Variants in GALNTL6 observed in about 807,000 individuals in gnomAD.
GALNTL6 encodes polypeptide N-acetylgalactosaminyltransferase like 6.
In GALNTL6, 46 loss-of-function variants were observed where a neutral mutation model predicts 73.7. That is an observed-to-expected ratio of 0.62 (90% CI 0.49 to 0.80). The LOEUF (loss-of-function observed/expected upper bound fraction) is 0.80, where lower values mean the gene tolerates loss of function less well. GALNTL6 is among the 30% of genes least tolerant of loss of function. The pLI is 0.00. For missense variants in GALNTL6, 604 were observed against 755.0 expected, an observed-to-expected ratio of 0.80 and a Z score of 2.34; for synonymous variants, 259 against 263.7, an observed-to-expected ratio of 0.98 and a Z score of 0.17.
chr4:172,309,415 A>G (rs1404404619), intron 3 of GALNTL6, among the ~76,000 whole-genome samples: 1 of 52,142 alleles, frequency 1.9e-5, no homozygotes, highest in Non-Finnish European at 6.0e-5. Context: ...AGATTTTTAA[A>G]AAGTGTTTTT....
At chr4:172,240,273 G>C (rs1294389368) in intron 3 of GALNTL6, among the ~76,000 whole-genome samples, 1 of 152,066 alleles carries the variant, frequency 6.6e-6, no homozygotes, top group East Asian at 1.9e-4. Context: ...GCCCAAGCTG[G>C]AGTGCAGTGG....
chr4:172,550,453 C>T (rs1735915745), intron 5 of GALNTL6, among the ~76,000 whole-genome samples: 1 of 152,166 alleles, frequency 6.6e-6, no homozygotes, highest in Non-Finnish European at 1.5e-5. Context: ...TATATTTACT[C>T]TTCTGTGAAG....
At position 172,705,945 on chromosome 4, in the gene GALNTL6, G is replaced by A. The variant is rs537826328; in HGVS notation, c.554-103416G>A. On this transcript the variant is annotated intron_variant, in intron 5 of 12. Transcript: ENST00000506823. ...GAGTTTGGTTATTATATGCCTTGGG[G>A]TAGTTTTATTTGGGTTAAATCTGTT... is the stretch of plus-strand genomic sequence containing the variant. 5.3e-4 allele frequency among the ~76,000 whole-genome samples: 80 copies of A among 152,092 alleles called. 1 individual carries two copies. The South Asian group carries it at 0.016, about 31-fold the overall frequency.
chr4:172,913,443 C>A (rs186473499), intron 8 of GALNTL6, among the ~76,000 whole-genome samples: 1 of 151,962 alleles, frequency 6.6e-6, no homozygotes, highest in Non-Finnish European at 1.5e-5. Flanking sequence ...CTAACTTCTT[C>A]GAGCTAAAGG....
intron 2 of GALNTL6, among the ~76,000 whole-genome samples, chr4:171,821,801 G>A (rs1244480703): frequency 6.6e-6 from 1 of 152,056 alleles, no homozygotes; most frequent in Non-Finnish European, 1.5e-5. Context: ...CGTCACTGGT[G>A]TGTTGAATGT....
intron 5 of GALNTL6, among the ~76,000 whole-genome samples, chr4:172,696,861 A>G (rs1478430933): frequency 6.6e-6 from 1 of 152,256 alleles, no homozygotes; most frequent in African/African-American, 2.4e-5. Context: ...TTTCATGGAA[A>G]GGAAAAGGAG....
chr4:172,482,664 T>A (rs1431088606), intron 5 of GALNTL6, among the ~76,000 whole-genome samples: 1 of 152,242 alleles, frequency 6.6e-6, no homozygotes, highest in Non-Finnish European at 1.5e-5. Flanking sequence ...TTAACTTTTC[T>A]TTTCAGTTTT....
chr4:171,862,768 T>G (rs985489531), intron 2 of GALNTL6, among the ~76,000 whole-genome samples: 5 of 152,116 alleles, frequency 3.3e-5, no homozygotes, highest in African/African-American at 1.2e-4. Context: ...ATTTTGTTAG[T>G]GGTATAGAGT....
chr4:172,471,224 T>C (rs1488512398), intron 5 of GALNTL6, among the ~76,000 whole-genome samples: 1 of 152,158 alleles, frequency 6.6e-6, no homozygotes, highest in Non-Finnish European at 1.5e-5. Context: ...TCAATATTTT[T>C]AATGTCAACG....
intron 2 of GALNTL6, among the ~76,000 whole-genome samples, chr4:171,881,036 T>G (rs1384137629): frequency 1.3e-5 from 2 of 152,070 alleles, no homozygotes; most frequent in Admixed American, 6.5e-5. Flanking sequence ...TATGTAAGAA[T>G]TTTCAGATCA....
intron 3 of GALNTL6, among the ~76,000 whole-genome samples, chr4:172,267,727 A>G (rs1738497475): frequency 6.6e-6 from 1 of 152,040 alleles, no homozygotes; most frequent in Non-Finnish European, 1.5e-5. Flanking sequence ...TAGCTCTCCT[A>G]TTTCTCCCCT....
intron 2 of GALNTL6, among the ~76,000 whole-genome samples, chr4:171,868,008 A>T (rs1328794062): frequency 2.2e-5 from 3 of 134,552 alleles, no homozygotes; most frequent in African/African-American, 8.3e-5. Context: ...TTTTTTTGAG[A>T]CACAGTGTCA....
intron 2 of GALNTL6, among the ~76,000 whole-genome samples, chr4:172,130,165 T>A (rs1579166991): frequency 6.9e-6 from 1 of 145,804 alleles, no homozygotes; most frequent in Admixed American, 7.1e-5. Flanking sequence ...AGTTGTTGGG[T>A]AGATCTCATT....
intron 5 of GALNTL6, among the ~76,000 whole-genome samples, chr4:172,636,397 A>G (rs571316965): frequency 8.5e-5 from 13 of 152,340 alleles, no homozygotes; most frequent in African/African-American, 1.9e-4. Flanking sequence ...GTTTCCTTAC[A>G]TGGCAAAAGG....
At chr4:172,020,879 T>A (rs1579065510) in intron 2 of GALNTL6, among the ~76,000 whole-genome samples, 1 of 152,148 alleles carries the variant, frequency 6.6e-6, no homozygotes, top group East Asian at 1.9e-4. Flanking sequence ...AACACCCTGA[T>A]AAATATTGAT....
At chr4:172,302,567 T>C (rs1042266820) in intron 3 of GALNTL6, among the ~76,000 whole-genome samples, 2 of 152,196 alleles carry the variant, frequency 1.3e-5, no homozygotes, top group Non-Finnish European at 2.9e-5. Context: ...ATGAGAGGCA[T>C]AAATCTGTGG....
chr4:172,859,568 C>T (rs1192660403), intron 7 of GALNTL6, among the ~76,000 whole-genome samples: 2 of 151,606 alleles, frequency 1.3e-5, no homozygotes, highest in Admixed American at 6.6e-5. Context: ...TGATAGAATG[C>T]AAAAAATTAG....
intron 5 of GALNTL6, among the ~76,000 whole-genome samples, chr4:172,551,852 T>TG (rs1389225648): frequency 7.9e-5 from 12 of 152,068 alleles, no homozygotes; most frequent in South Asian, 2.1e-4. Flanking sequence ...AGGTAAACAA[T>TG]GGGGGTGTTT....
intron 2 of GALNTL6, among the ~76,000 whole-genome samples, chr4:172,166,395 G>A (rs931677309): frequency 2.6e-5 from 4 of 151,742 alleles, no homozygotes; most frequent in South Asian, 2.1e-4. Flanking sequence ...GCAGTGAGCC[G>A]AGATCACATT....
Sources: allele counts gnomAD v4.1 joint callset (sites outside exome capture counted in the v4.1 genomes callset), GRCh38; gene constraint gnomAD v4.1.1; transcripts MANE v1.5; gene names NCBI Gene and HGNC (gene_info 2026-07-23, HGNC 2026-07-21).